Variants in PPP2R1B observed in about 807,000 individuals in gnomAD.
PPP2R1B encodes the protein serine/threonine-protein phosphatase 2A 65 kDa regulatory subunit A beta isoform.
PPP2R1B carries 58 observed loss-of-function variants against 72.7 expected under a neutral mutation model. The observed-to-expected ratio is 0.80, with a 90% CI of 0.65 to 0.99. The LOEUF is 0.99. PPP2R1B is among the 50% of genes least tolerant of loss of function. PPP2R1B has a pLI of 0.00. For missense variants in PPP2R1B, 695 were observed against 733.6 expected (o/e 0.95, Z 0.61); for synonymous variants, 256 against 264.6 (o/e 0.97, Z 0.32).
chr11:111,743,260 A>C, intron 12 of PPP2R1B, 116 bp downstream of exon 12: 1 of 1,053,610 alleles, frequency 9.5e-7, no homozygotes, highest in East Asian at 2.6e-5. Context: ...TATTCCAATT[A>C]ATCAATACAA....
chr11:111,735,675 G>A (rs1944318846), downstream of PPP2R1B, among the ~76,000 whole-genome samples: 6 of 152,220 alleles, frequency 3.9e-5, no homozygotes, highest in South Asian at 1.0e-3. Flanking sequence ...TCTTCAAGTG[G>A]CGGGCCCAGC....
Position 111,739,399 on chromosome 11 carries a change from C to A in PPP2R1B, c.*2197G>T. 1 of 985,054 alleles carries A rather than the reference C, an allele frequency of 1.0e-6. No homozygotes were observed. Among genetic ancestry groups the A allele is most frequent in the South Asian group, 4.7e-5 (1 of 21,270 alleles). 61.0% of individuals were successfully genotyped at this position (985,054 alleles called of 1,614,324 possible). ...ATGGAGAACATGGCCAAGTTATGAG[C>A]CAAAGCACAATTCCTCTGAAGAGTA... On this transcript the variant is annotated 3_prime_UTR_variant, in exon 15 of 15. Coordinates refer to ENST00000527614, the MANE Select transcript of PPP2R1B (RefSeq NM_002716.5).
At chr11:111,721,950 T>A, downstream of PPP2R1B, 1 of 1,568,946 alleles carries the variant, frequency 6.4e-7, no homozygotes, top group Non-Finnish European at 8.6e-7. Context: ...GGTGGGTCCT[T>A]CTCCTTGCGA....
the PPP2R1B span, among the ~76,000 whole-genome samples, chr11:111,706,168 A>C: frequency 1.3e-5 from 2 of 152,228 alleles, no homozygotes; most frequent in African/African-American, 4.8e-5. Context: ...AAATTAGTTA[A>C]TATCTGTGAA....
the PPP2R1B span, among the ~76,000 whole-genome samples, chr11:111,699,975 A>T: frequency 1.3e-5 from 2 of 152,248 alleles, no homozygotes; most frequent in Non-Finnish European, 2.9e-5. Context: ...TCACTGAGAC[A>T]GGCTCTTCAG....
chr11:111,717,802 T>C, the PPP2R1B span, among the ~76,000 whole-genome samples: 1 of 152,150 alleles, frequency 6.6e-6, no homozygotes, highest in Non-Finnish European at 1.5e-5. Flanking sequence ...GGGACATGAA[T>C]GGAGCTGGAA....
At chr11:111,726,228 T>G (rs910007936), downstream of PPP2R1B, 3 of 152,198 alleles carry the variant, frequency 2.0e-5, 1 homozygote, top group Non-Finnish European at 4.4e-5. Context: ...GGCCACTCAT[T>G]TCAGAACTGC....
chr11:111,705,198 C>A, the PPP2R1B span: 2 of 1,448,222 alleles, frequency 1.4e-6, no homozygotes, highest in Admixed American at 3.0e-5. This position sits in a 1 kb window ranked among gnomAD's most constrained non-coding sequence, Gnocchi z 4.3. Flanking sequence ...ATGTTTGATA[C>A]ATTTTTCATC....
intron 1 of PPP2R1B, chr11:111,765,998 G>A (rs1945518868): frequency 1.7e-6 from 1 of 575,790 alleles, no homozygotes; most frequent in Non-Finnish European, 3.2e-6. Context: ...CCCGACAACC[G>A]CCCGGGAAGG....
downstream of PPP2R1B, chr11:111,722,553 G>T: frequency 2.0e-6 from 2 of 1,022,842 alleles, no homozygotes; most frequent in South Asian, 1.5e-5. This position sits in a 1 kb window ranked among gnomAD's most constrained non-coding sequence, Gnocchi z 4.4. Flanking sequence ...TTCACCCCGT[G>T]TGGATTCTGT....
At chr11:111,709,672 G>C in the PPP2R1B span, among the ~76,000 whole-genome samples, 3 of 152,180 alleles carry the variant, frequency 2.0e-5, no homozygotes, top group African/African-American at 7.2e-5. Context: ...TGAGCATGCT[G>C]TCTGTATATT....
rs369796760 is a variant in PPP2R1B, at chr11:111,751,829, T to C, written c.1338+330A>G. 3.9e-5 allele frequency among the ~76,000 whole-genome samples: 6 copies of C among 152,172 alleles called. No homozygotes were observed. The East Asian group carries it at 9.6e-4, about 24-fold the overall frequency. The stretch of plus-strand genomic sequence containing the variant: ...CCCATCTCTATTAAAAATACAAAAT[T>C]AGCTGGGTGTGGTGGCATATTCCTG... On this transcript the variant is annotated intron_variant, in intron 10 of 14. Transcript: ENST00000527614.
chr11:111,735,360 G>A (rs1217167373), downstream of PPP2R1B: 4 of 152,214 alleles, frequency 2.6e-5, no homozygotes, highest in African/African-American at 9.7e-5. Context: ...TGTTGTCAGG[G>A]AAATGGTGTT....
chr11:111,709,925 C>T, the PPP2R1B span, among the ~76,000 whole-genome samples: 1 of 152,172 alleles, frequency 6.6e-6, no homozygotes, highest in Non-Finnish European at 1.5e-5. Context: ...TTAAAGCGTC[C>T]GAGCTAGTGA....
At chr11:111,752,725 C>A (rs548441911) in intron 9 of PPP2R1B, among the ~76,000 whole-genome samples, 25 of 152,238 alleles carry the variant, frequency 1.6e-4, no homozygotes, top group South Asian at 4.1e-4. Flanking sequence ...CCTGTAATCC[C>A]AGCACTTTGG....
downstream of PPP2R1B, among the ~76,000 whole-genome samples, chr11:111,736,860 G>T (rs138534934): frequency 2.1e-4 from 32 of 152,284 alleles, no homozygotes; most frequent in East Asian, 6.0e-3. Flanking sequence ...AAGCCCTGCT[G>T]CTCTCCTTTT....
At chr11:111,703,286 A>G in the PPP2R1B span, 1 of 1,614,204 alleles carries the variant, frequency 6.2e-7, no homozygotes, top group Non-Finnish European at 8.5e-7. Flanking sequence ...GCATAAATGG[A>G]TGCTCATAGA....
At chr11:111,719,914 C>A in the PPP2R1B span, 54 of 1,614,004 alleles carry the variant, frequency 3.3e-5, no homozygotes, top group Non-Finnish European at 4.0e-5. Flanking sequence ...CCCGCTCATG[C>A]CTTTGAGGCA....
chr11:111,720,186 T>G, the PPP2R1B span, among the ~76,000 whole-genome samples: 3 of 152,214 alleles, frequency 2.0e-5, no homozygotes, highest in Non-Finnish European at 2.9e-5. Flanking sequence ...TGAATTGAAA[T>G]GTCTCTGAGT....
Sources: gnomAD v4.1 joint callset for allele counts (sites outside exome capture counted in the v4.1 genomes callset) on GRCh38, gnomAD v4.1.1 for gene constraint, Gnocchi (gnomAD v3.1) non-coding constraint, MANE v1.5 for transcripts, NCBI Gene and HGNC (gene_info 2026-07-23, HGNC 2026-07-21) for gene names.